Variants in COG6 observed in about 807,000 individuals in gnomAD.
The protein encoded by COG6 is conserved oligomeric Golgi complex subunit 6.
Under a neutral mutation model 88.8 loss-of-function variants are expected in COG6, and 74 were observed. That is an observed-to-expected ratio of 0.83 (90% CI 0.69 to 1.01). COG6 has a LOEUF of 1.01. Among genes scored for constraint, COG6 ranks in the 50% least tolerant of loss-of-function variants. The pLI is 0.00. For missense variants in COG6, 800 were observed against 797.9 expected, an observed-to-expected ratio of 1.00 and a Z score of -0.03; for synonymous variants, 286 against 278.7, an observed-to-expected ratio of 1.03 and a Z score of -0.26.
intron 8 of COG6, among the ~76,000 whole-genome samples, chr13:39,686,698 A>G (rs1156359193): frequency 6.6e-6 from 1 of 152,182 alleles, no homozygotes; most frequent in Non-Finnish European, 1.5e-5. Context: ...TTTTTAATGT[A>G]GAAGAGAAAA....
At chr13:39,675,209 A>T (rs1875898034) in intron 4 of COG6, among the ~76,000 whole-genome samples, 1 of 152,160 alleles carries the variant, frequency 6.6e-6, no homozygotes, top group African/African-American at 2.4e-5. Context: ...AGACATTGAA[A>T]GCCCTCTAAA....
intron 6 of COG6, 127 bp downstream of exon 6, chr13:39,679,747 G>T (rs1876198076): frequency 1.3e-6 from 1 of 751,048 alleles, no homozygotes; most frequent in South Asian, 1.5e-5. Flanking sequence ...TTTATCTTTA[G>T]AGAATGGTGA....
intron 13 of COG6, among the ~76,000 whole-genome samples, chr13:39,715,810 ACT>A (rs1313596960): frequency 2.6e-5 from 4 of 151,982 alleles, no homozygotes; most frequent in African/African-American, 9.7e-5. Context: ...GGCAGAGATC[ACT>A]CTATTAATTT....
chr13:39,780,866 T>C (rs1245153481), intron 18 of COG6, among the ~76,000 whole-genome samples: 1 of 152,208 alleles, frequency 6.6e-6, no homozygotes, highest in Non-Finnish European at 1.5e-5. Flanking sequence ...ATGGCTCTCG[T>C]TACTGTGCAC....
At chr13:39,726,139 T>C (rs953295650) in intron 17 of COG6, among the ~76,000 whole-genome samples, 10 of 151,954 alleles carry the variant, frequency 6.6e-5, no homozygotes, top group Non-Finnish European at 1.5e-4. Flanking sequence ...ATTTGTTGTC[T>C]CCATTTAGGG....
chr13:39,675,402 A>G (rs1385513431), intron 4 of COG6, among the ~76,000 whole-genome samples: 6 of 152,174 alleles, frequency 3.9e-5, no homozygotes, highest in Non-Finnish European at 7.4e-5. Flanking sequence ...TGGTTGTGAA[A>G]ATTTACCTGG....
chr13:39,674,081 C>CT (rs1593415257), intron 4 of COG6, among the ~76,000 whole-genome samples: 2 of 151,326 alleles, frequency 1.3e-5, no homozygotes, highest in East Asian at 3.9e-4. Context: ...TTAAATTATA[C>CT]TTTAAGTTCT....
intron 18 of COG6, among the ~76,000 whole-genome samples, chr13:39,740,071 CTT>C (rs1879967214): frequency 1.3e-5 from 2 of 152,098 alleles, no homozygotes; most frequent in African/African-American, 2.4e-5. Context: ...TATAATGAAA[CTT>C]ATAAAAATTT....
intron 18 of COG6, among the ~76,000 whole-genome samples, chr13:39,734,993 T>C (rs184106832): frequency 1.3e-5 from 2 of 152,242 alleles, no homozygotes; most frequent in Non-Finnish European, 2.9e-5. Context: ...CTATGTCTGC[T>C]TTTGTAGATG....
intron 4 of COG6, 51 bp from the exon 5 acceptor site, chr13:39,677,417 A>G (rs778990057): frequency 8.0e-6 from 8 of 999,188 alleles, no homozygotes; most frequent in Admixed American, 5.1e-5. Flanking sequence ...TTTTAAAGCT[A>G]TGCAACTGTG....
chr13:39,679,900 T>C lies in COG6; in HGVS notation c.624-75T>C, dbSNP rs1003477803. 4 of 810,026 alleles carry C rather than the reference T, an allele frequency of 4.9e-6. No individual in the cohort carries two copies. The African/African-American group carries it at 7.0e-5, about 14-fold the overall frequency. 50.2% of individuals were successfully genotyped at this position (810,026 alleles called of 1,614,324 possible). A position where few individuals can be genotyped will look rare whatever the true frequency, so the allele number is the denominator to read the frequency against. The stretch of plus-strand genomic sequence containing the variant: ...AGTTAATATGCTGTAATATGTAATA[T>C]GCAAACAAAATAATTAGGTGCTTAG... On this transcript the variant is annotated intron_variant, in intron 6 of 18. Coordinates refer to ENST00000455146, the MANE Select transcript of COG6 (RefSeq NM_020751.3).
intron 11 of COG6, among the ~76,000 whole-genome samples, chr13:39,691,976 T>TAAAAG: frequency 6.6e-6 from 1 of 151,208 alleles, no homozygotes; most frequent in Admixed American, 6.6e-5. Flanking sequence ...TTTAGAAACA[T>TAAAAG]AAAAGGTTAT....
At chr13:39,763,617 T>C (rs572937812) in intron 18 of COG6, among the ~76,000 whole-genome samples, 36 of 151,942 alleles carry the variant, frequency 2.4e-4, no homozygotes, top group African/African-American at 8.4e-4. Flanking sequence ...AATCCACCTA[T>C]ATTTCTTCAA....
chr13:39,743,300 T>C (rs1880151990), intron 18 of COG6, among the ~76,000 whole-genome samples: 1 of 152,100 alleles, frequency 6.6e-6, no homozygotes, highest in Middle Eastern at 3.4e-3. Context: ...CTTAAAAAAA[T>C]CAATGAATCC....
At chr13:39,743,292 TA>T (rs967260722) in intron 18 of COG6, among the ~76,000 whole-genome samples, 10 of 151,972 alleles carry the variant, frequency 6.6e-5, no homozygotes, top group African/African-American at 2.2e-4. Context: ...AAAAAACCCT[TA>T]AAAAAATCAA....
intron 18 of COG6, among the ~76,000 whole-genome samples, chr13:39,787,165 G>A (rs1881799619): frequency 6.6e-6 from 1 of 152,068 alleles, no homozygotes; most frequent in African/African-American, 2.4e-5. Flanking sequence ...AAGGGTCAGG[G>A]GAGTGGAGTG....
intron 18 of COG6, among the ~76,000 whole-genome samples, chr13:39,741,710 C>T (rs192898352): frequency 6.6e-6 from 1 of 152,158 alleles, no homozygotes; most frequent in African/African-American, 2.4e-5. Context: ...ACTTCCCCAA[C>T]CTAGCAAGGC....
intron 13 of COG6, among the ~76,000 whole-genome samples, chr13:39,702,344 T>G (rs960202029): frequency 2.6e-5 from 4 of 151,984 alleles, no homozygotes; most frequent in African/African-American, 9.7e-5. Flanking sequence ...CTTTTAAAGA[T>G]AGTCAGTAGT....
chr13:39,688,334 T>C (rs1272847046), intron 10 of COG6, among the ~76,000 whole-genome samples: 15 of 152,126 alleles, frequency 9.9e-5, no homozygotes, highest in Admixed American at 9.8e-4. Flanking sequence ...ATTGGTAACC[T>C]ATAAAGAGGT....
Sources: gnomAD v4.1 joint callset for allele counts (sites outside exome capture counted in the v4.1 genomes callset) on GRCh38, gnomAD v4.1.1 for gene constraint, MANE v1.5 for transcripts, NCBI Gene and HGNC (gene_info 2026-07-23, HGNC 2026-07-21) for gene names.